RASGRF2: variants seen among roughly 807,000 people sequenced by gnomAD.
The protein encoded by RASGRF2 is ras-specific guanine nucleotide-releasing factor 2.
Under a neutral mutation model 151.0 loss-of-function variants are expected in RASGRF2, and 76 were observed. The observed-to-expected ratio is 0.50, with a 90% CI of 0.42 to 0.61. RASGRF2 has a LOEUF of 0.61. Among genes scored for constraint, RASGRF2 ranks in the 20% least tolerant of loss-of-function variants. RASGRF2 has a pLI of 0.00. For missense variants in RASGRF2, 1,148 were observed against 1,564.6 expected (o/e 0.73, Z 4.49); for synonymous variants, 504 against 566.5 (o/e 0.89, Z 1.57).
chr5:80,985,800 G>A (rs1748455611), intron 1 of RASGRF2, among the ~76,000 whole-genome samples: 1 of 152,150 alleles, frequency 6.6e-6, no homozygotes, highest in South Asian at 2.1e-4. Context: ...CTGCCAGTTT[G>A]TGGAAAAATT....
At position 81,206,904 on chromosome 5, in the gene RASGRF2, T is replaced by C; in HGVS notation, c.2966T>C (p.Met989Thr). The change falls in exon 20 of 27, where the codon ATG (methionine) becomes ACG (threonine). Residue 989 changes from methionine to threonine, a missense_variant and splice_region_variant. By Grantham distance (81) the Met-to-Thr change is moderately conservative. Coordinates refer to ENST00000265080, the MANE Select transcript of RASGRF2 (RefSeq NM_006909.3). ...IHLKLEDIIQMTDCMKAECFE... is the reference protein window; with the variant it reads ...IHLKLEDIIQTTDCMKAECFE... The stretch of plus-strand genomic sequence containing the variant: ...CTAAAATTAGAGGATATAATTCAAA[T>C]GGTAAGTCTGACCACATTTTTATCT... 1 of 1,604,228 alleles carries C rather than the reference T, an allele frequency of 6.2e-7. No homozygotes were observed. Among genetic ancestry groups the C allele is most frequent in the Non-Finnish European group, 8.5e-7 (1 of 1,171,040 alleles).
intron 1 of RASGRF2, among the ~76,000 whole-genome samples, chr5:80,995,867 A>G (rs1748840642): frequency 6.6e-6 from 1 of 151,192 alleles, no homozygotes; most frequent in African/African-American, 2.4e-5. Flanking sequence ...TAATTTTTGT[A>G]TTTTTACTAG....
intron 18 of RASGRF2, among the ~76,000 whole-genome samples, chr5:81,187,055 T>C (rs750402776): frequency 3.9e-5 from 6 of 152,194 alleles, no homozygotes; most frequent in East Asian, 1.9e-4. Flanking sequence ...CTGCTCTTGA[T>C]AGAGATAACC....
chr5:81,123,634 T>C lies in RASGRF2; in HGVS notation c.2471-8T>C, dbSNP rs779385148. The C allele has an allele frequency of 1.9e-6, 3 of 1,606,542 alleles. No individual in the cohort carries two copies. The highest frequency in any genetic ancestry group is 2.5e-6 in the Non-Finnish European group (3 of 1,177,074). ...CTGGTTGTTAAAATTCATGATGTTTTCAAGCAGCAGTCCTAGAGTCTGCAC... is the reference window on the plus strand; with the variant it reads ...CTGGTTGTTAAAATTCATGATGTTTCCAAGCAGCAGTCCTAGAGTCTGCAC... On this transcript the variant is annotated splice_region_variant and splice_polypyrimidine_tract_variant and intron_variant, in intron 15 of 26. Coordinates refer to ENST00000265080, the MANE Select transcript of RASGRF2 (RefSeq NM_006909.3).
At chr5:80,966,235 G>A (rs1017600945) in intron 1 of RASGRF2, among the ~76,000 whole-genome samples, 4 of 152,022 alleles carry the variant, frequency 2.6e-5, no homozygotes, top group Admixed American at 6.6e-5. Flanking sequence ...AACATTTCAA[G>A]ACCTGAGTTA....
chr5:81,167,125 G>A (rs1284064725), intron 17 of RASGRF2, among the ~76,000 whole-genome samples: 2 of 152,176 alleles, frequency 1.3e-5, no homozygotes, highest in African/African-American at 4.8e-5. Flanking sequence ...TGTGAGTTAT[G>A]TTACATTGCC....
chr5:81,087,493 G>A, intron 9 of RASGRF2: 1 of 609,538 alleles, frequency 1.6e-6, no homozygotes, highest in Non-Finnish European at 3.0e-6. Context: ...CCACGCTTTG[G>A]TAATGCAGAA....
intron 1 of RASGRF2, among the ~76,000 whole-genome samples, chr5:80,987,364 T>TTCGG (rs1254366101): frequency 6.6e-6 from 1 of 152,210 alleles, no homozygotes; most frequent in East Asian, 1.9e-4. Context: ...AGGCTAAGCA[T>TTCGG]TCGGTCGAGT....
intron 17 of RASGRF2, among the ~76,000 whole-genome samples, chr5:81,169,204 T>TATCATC (rs1404525727): frequency 6.6e-6 from 1 of 152,188 alleles, no homozygotes; most frequent in Non-Finnish European, 1.5e-5. Context: ...CAGGAAGTGG[T>TATCATC]ATCATCATCT....
At chr5:81,044,556 A>C (rs1235186037) in intron 2 of RASGRF2, among the ~76,000 whole-genome samples, 1 of 152,106 alleles carries the variant, frequency 6.6e-6, no homozygotes, top group African/African-American at 2.4e-5. Context: ...TCAGCTACTT[A>C]TATTTACCAC....
At chr5:81,217,105 A>G (rs944279291) in intron 24 of RASGRF2, 2 of 479,072 alleles carry the variant, frequency 4.2e-6, no homozygotes, top group African/African-American at 3.9e-5. Flanking sequence ...TGTCTCTAAG[A>G]TATCCTGTTG....
chr5:81,104,076 G>A (rs1197157351), intron 12 of RASGRF2, among the ~76,000 whole-genome samples: 3 of 151,990 alleles, frequency 2.0e-5, no homozygotes, highest in Admixed American at 6.6e-5. Flanking sequence ...ATACCCATCA[G>A]CTTCAAGATA....
intron 1 of RASGRF2, among the ~76,000 whole-genome samples, chr5:80,974,783 A>C (rs1258111353): frequency 6.6e-6 from 1 of 152,192 alleles, no homozygotes; most frequent in Non-Finnish European, 1.5e-5. Context: ...GCAGCAAACT[A>C]ATAGTTGCCT....
At chr5:81,150,210 G>T (rs945003293) in intron 17 of RASGRF2, among the ~76,000 whole-genome samples, 2 of 152,182 alleles carry the variant, frequency 1.3e-5, no homozygotes, top group Non-Finnish European at 2.9e-5. Flanking sequence ...GTAAAGAGTG[G>T]TCAAGAGAGT....
intron 1 of RASGRF2, among the ~76,000 whole-genome samples, chr5:81,031,714 A>G (rs1466768630): frequency 6.6e-6 from 1 of 152,220 alleles, no homozygotes; most frequent in Non-Finnish European, 1.5e-5. Context: ...TCTAAAATTG[A>G]CACCCTAACA....
chr5:81,119,101 G>A (rs1041684021), intron 15 of RASGRF2, among the ~76,000 whole-genome samples: 9 of 152,282 alleles, frequency 5.9e-5, no homozygotes, highest in East Asian at 1.9e-4. Context: ...TCCATCCATG[G>A]CAATACAGGC....
intron 1 of RASGRF2, among the ~76,000 whole-genome samples, chr5:81,027,786 A>G (rs1231958533): frequency 1.3e-5 from 2 of 152,242 alleles, no homozygotes; most frequent in Non-Finnish European, 2.9e-5. Flanking sequence ...ACTCTGCAGC[A>G]GGCAGAGTCA....
intron 2 of RASGRF2, among the ~76,000 whole-genome samples, chr5:81,047,614 A>C (rs1334887792): frequency 6.6e-6 from 1 of 152,258 alleles, no homozygotes; most frequent in Non-Finnish European, 1.5e-5. Flanking sequence ...AAAGAATTAC[A>C]AAAAGGAATA....
rs761518004 is a variant in RASGRF2, at chr5:81,219,679, TGTC to T, written c.3553-30_3553-28del. The stretch of plus-strand genomic sequence containing the variant: ...AAATACCTTTCTTTGCTTTTGTTGT[TGTC>T]ATTTTGTTTTGTTTTTTTCTCTGTT... On this transcript the variant is annotated intron_variant, in intron 25 of 26. Transcript: ENST00000265080. 8.4e-5 allele frequency: 130 copies of T among 1,555,018 alleles called. 3 individuals carry two copies. In the South Asian group the frequency reaches 1.3e-3, roughly 16 times the overall value.
Sources: allele counts gnomAD v4.1 joint callset (sites outside exome capture counted in the v4.1 genomes callset), GRCh38; gene constraint gnomAD v4.1.1; transcripts MANE v1.5; gene names NCBI Gene and HGNC (gene_info 2026-07-23, HGNC 2026-07-21).